Variants in STX12 observed in about 807,000 individuals in gnomAD.
STX12 encodes the protein syntaxin-12.
STX12 carries 17 observed loss-of-function variants against 42.2 expected under a neutral mutation model. The ratio of observed to expected loss-of-function variants is 0.40; its 90% confidence interval spans 0.28 to 0.60. The LOEUF is 0.60. Ranked by LOEUF, STX12 falls within the 20% of genes least tolerant of loss-of-function variation. The pLI, the probability that STX12 is intolerant of heterozygous loss-of-function variation, is 0.39. For synonymous variants in STX12, 108 were observed against 116.7 expected (o/e 0.93, Z 0.48); for missense variants, 297 against 330.9 (o/e 0.90, Z 0.79).
At chr1:27,782,901 A>G (rs2148597575) in intron 1 of STX12, among the ~76,000 whole-genome samples, 1 of 152,330 alleles carries the variant, frequency 6.6e-6, no homozygotes, top group East Asian at 1.9e-4. Flanking sequence ...CAGAATGTAA[A>G]CCTAATTTTC....
At chr1:27,795,529 C>G (rs1451133538) in intron 3 of STX12, among the ~76,000 whole-genome samples, 1 of 152,126 alleles carries the variant, frequency 6.6e-6, no homozygotes, top group African/African-American at 2.4e-5. Flanking sequence ...TGGTTTCAAA[C>G]TCCTGACCTC....
chr1:27,789,714 A>C, intron 2 of STX12, 83 bp downstream of exon 2: 1 of 1,034,358 alleles, frequency 9.7e-7, no homozygotes. Context: ...CTTAGGTTTC[A>C]GGTCTGGGAA....
intron 4 of STX12, among the ~76,000 whole-genome samples, chr1:27,804,260 T>C (rs1397566958): frequency 1.3e-5 from 2 of 150,942 alleles, no homozygotes; most frequent in Non-Finnish European, 3.0e-5. Context: ...ACCCTGTCTC[T>C]ATTAAAAAAT....
intron 4 of STX12, 99 bp downstream of exon 4, chr1:27,801,914 G>A: frequency 7.0e-7 from 1 of 1,433,438 alleles, no homozygotes; most frequent in Non-Finnish European, 9.3e-7. Context: ...AAACATGTAA[G>A]TTAGCTGCTG....
chr1:27,810,826 A>G (rs1430157691), intron 5 of STX12, among the ~76,000 whole-genome samples: 1 of 152,008 alleles, frequency 6.6e-6, no homozygotes, highest in East Asian at 1.9e-4. Context: ...ATCCCTCCCC[A>G]CTACACTATG....
chr1:27,793,454 C>T, intron 2 of STX12, 79 bp from the exon 3 acceptor site: 4 of 1,188,730 alleles, frequency 3.4e-6, no homozygotes, highest in Non-Finnish European at 4.9e-6. Context: ...CGTTATGAGA[C>T]ACTCTGAGAA....
chr1:27,796,041 C>G (rs1419503444), intron 3 of STX12, among the ~76,000 whole-genome samples: 1 of 152,112 alleles, frequency 6.6e-6, no homozygotes, highest in African/African-American at 2.4e-5. Context: ...AATCTGCTAC[C>G]AAAACAAAAT....
rs550960481 is a variant in STX12 at position 27,822,708 on chromosome 1, TAG to T, written c.*382_*383del. ...TTTACCTTTTTACTAGCATCTGAGATAGAGTTACTTTCTGGTACCCAGTATAT... is the reference window on the plus strand; with the variant it reads ...TTTACCTTTTTACTAGCATCTGAGATAGTTACTTTCTGGTACCCAGTATAT... On this transcript the variant is annotated 3_prime_UTR_variant, in exon 9 of 9. Transcript: ENST00000373943. 264 of 165,636 alleles carry T rather than the reference TAG, an allele frequency of 1.6e-3. 1 individual carries two copies. The highest frequency in any genetic ancestry group is 6.1e-3 in the African/African-American group (257 of 41,950). The allele number at this position is 165,636 out of a possible 1,614,324, so 10.3% of individuals were successfully genotyped here. A position where few individuals can be genotyped will look rare whatever the true frequency, so the allele number is the denominator to read the frequency against.
intron 4 of STX12, among the ~76,000 whole-genome samples, chr1:27,808,888 A>G (rs958248259): frequency 4.6e-5 from 7 of 152,198 alleles, no homozygotes; most frequent in Non-Finnish European, 7.3e-5. Context: ...CATTGGAAAG[A>G]CTATTTTTCA....
intron 5 of STX12, chr1:27,811,894 C>T: frequency 1.9e-6 from 1 of 521,986 alleles, no homozygotes. Flanking sequence ...CAGAGTATAC[C>T]CCTAAATGGA....
At chr1:27,775,230 G>A (rs1239171126) in intron 1 of STX12, among the ~76,000 whole-genome samples, 1 of 152,054 alleles carries the variant, frequency 6.6e-6, no homozygotes, top group Non-Finnish European at 1.5e-5. Flanking sequence ...TATAAAACCA[G>A]AATACTCCCA....
intron 3 of STX12, among the ~76,000 whole-genome samples, chr1:27,799,785 A>G (rs1287629441): frequency 1.4e-5 from 2 of 145,970 alleles, no homozygotes. Context: ...GGAGTTTCAC[A>G]TGTGTTGCCC....
At chr1:27,800,415 T>C (rs1439840711) in intron 3 of STX12, among the ~76,000 whole-genome samples, 1 of 151,994 alleles carries the variant, frequency 6.6e-6, no homozygotes, top group Non-Finnish European at 1.5e-5. Flanking sequence ...TATTTACAAA[T>C]AGACAGCTGT....
intron 3 of STX12, among the ~76,000 whole-genome samples, chr1:27,799,659 A>G (rs2088813898): frequency 6.7e-6 from 1 of 149,898 alleles, no homozygotes; most frequent in African/African-American, 2.5e-5. Flanking sequence ...AATTTTTTGT[A>G]TTTTTAGTAG....
intron 1 of STX12, among the ~76,000 whole-genome samples, chr1:27,787,896 T>C (rs1227834851): frequency 2.0e-5 from 3 of 152,174 alleles, no homozygotes; most frequent in African/African-American, 7.2e-5. Flanking sequence ...TTGTTGGACA[T>C]GGGAGCATTA....
intron 6 of STX12, among the ~76,000 whole-genome samples, chr1:27,816,363 A>G (rs2148607716): frequency 6.6e-6 from 1 of 152,000 alleles, no homozygotes; most frequent in Middle Eastern, 3.4e-3. Flanking sequence ...AATCCCATCT[A>G]CTGGGGAGGA....
chr1:27,817,760 C>A, intron 6 of STX12, 91 bp from the exon 7 acceptor site: 1 of 1,080,738 alleles, frequency 9.3e-7, no homozygotes, highest in Non-Finnish European at 1.4e-6. Context: ...TAAAAACACA[C>A]GTGTTAATAG....
Position 27,801,824 on chromosome 1 carries a change from A to G in STX12, c.426+9A>G. On this transcript the variant is annotated intron_variant, in intron 4 of 8. Transcript: ENST00000373943. ...CTGGATCTCGTCTTTCTGTAAGTTG[A>G]TTCCCAAAAGAAGACCTTTGCAATA... 1 of 1,572,986 alleles carries G rather than the reference A, an allele frequency of 6.4e-7. No homozygotes were observed. The highest frequency in any genetic ancestry group is 8.6e-7 in the Non-Finnish European group (1 of 1,167,600).
chr1:27,790,603 C>T (rs2088733308), intron 2 of STX12, among the ~76,000 whole-genome samples: 1 of 152,220 alleles, frequency 6.6e-6, no homozygotes. Flanking sequence ...CAGCTGGCTT[C>T]ACCTCTAAGT....
Sources: gnomAD v4.1 joint callset for allele counts (sites outside exome capture counted in the v4.1 genomes callset) on GRCh38, gnomAD v4.1.1 for gene constraint, MANE v1.5 for transcripts, NCBI Gene and HGNC (gene_info 2026-07-23, HGNC 2026-07-21) for gene names.